The following PADI4 variants were observed in gnomAD, a reference collection of about 807,000 sequenced individuals.
The protein encoded by PADI4 is peptidyl arginine deiminase 4.
In PADI4, 62 loss-of-function variants were observed where a neutral mutation model predicts 75.0. The observed-to-expected ratio is 0.83, with a 90% CI of 0.67 to 1.02. PADI4 has a LOEUF of 1.02. Ranked by LOEUF, PADI4 falls within the 50% of genes least tolerant of loss-of-function variation. The pLI is 0.00. For missense variants in PADI4, 845 were observed against 850.5 expected, an observed-to-expected ratio of 0.99 and a Z score of 0.08; for synonymous variants, 361 against 348.1, an observed-to-expected ratio of 1.04 and a Z score of -0.41.
rs1379970947 is a variant in PADI4, at chr1:17,345,971, TC to T, written c.936-55del. Reference sequence around the variant, plus strand: ...CCACCTGTGTGTCCCTCCCAATCCTTCCAGGCTGAGCTTCAAATTCCAGAGC... The same window carrying T: ...CCACCTGTGTGTCCCTCCCAATCCTTCAGGCTGAGCTTCAAATTCCAGAGC... On this transcript the variant is annotated intron_variant, in intron 8 of 15. Coordinates refer to ENST00000375448, the MANE Select transcript of PADI4 (RefSeq NM_012387.3). 6 of 1,196,440 alleles carry T rather than the reference TC, an allele frequency of 5.0e-6. No individual in the cohort carries two copies. In the East Asian group the frequency reaches 1.2e-4, roughly 23 times the overall value. The allele number at this position is 1,196,440 out of a possible 1,614,324, so 74.1% of individuals were successfully genotyped here.
chr1:17,314,804 A>T (rs11803423), intron 1 of PADI4, among the ~76,000 whole-genome samples: 1 of 152,186 alleles, frequency 6.6e-6, no homozygotes. Flanking sequence ...TCTGCAGGAG[A>T]GTATCTGATC....
rs369416691 is a variant in PADI4, at chr1:17,358,765, C to CT, written c.1559-73_1559-72insT. The CT allele has an allele frequency of 7.8e-4, 730 of 941,442 alleles. 5 individuals are homozygous for CT. In the African/African-American group the frequency reaches 0.01, roughly 13 times the overall value. The allele number at this position is 941,442 out of a possible 1,614,324, so 58.3% of individuals were successfully genotyped here. A position where few individuals can be genotyped will look rare whatever the true frequency, so the allele number is the denominator to read the frequency against. On this transcript the variant is annotated intron_variant, in intron 13 of 15. Coordinates refer to ENST00000375448, the MANE Select transcript of PADI4 (RefSeq NM_012387.3). ...TATAGATGGGAACACTGAGTCCCCC[C>CT]CCGGCACTGGCTGGGAAGAGGGAAA...
At chr1:17,343,485 C>T (rs2074460298) in intron 8 of PADI4, among the ~76,000 whole-genome samples, 1 of 152,160 alleles carries the variant, frequency 6.6e-6, no homozygotes, top group African/African-American at 2.4e-5. Flanking sequence ...ATTCCGGTCC[C>T]AGCACTGTTC....
chr1:17,342,453 T>A (rs2074440590), intron 8 of PADI4, 51 bp downstream of exon 8: 1 of 1,085,956 alleles, frequency 9.2e-7, no homozygotes, highest in Non-Finnish European at 1.4e-6. Context: ...AGAGCCTGAG[T>A]TCCATCCGCA....
At chr1:17,359,217 T>TGCCCCCCCCCCCCCCC in intron 14 of PADI4, 63 bp from the exon 15 acceptor site, 1 of 647,816 alleles carries the variant, frequency 1.5e-6, no homozygotes, top group Non-Finnish European at 2.6e-6. Context: ...CCCCACACTG[T>TGCCCCCCCCCCCCCCC]CCCCCACCCC....
At chr1:17,341,799 G>C (rs2074423159) in intron 6 of PADI4, 144 bp from the exon 7 acceptor site, 5 of 625,374 alleles carry the variant, frequency 8.0e-6, no homozygotes, top group Non-Finnish European at 1.4e-5. Context: ...TCTCCTAAGG[G>C]GACTGGCCAG....
At chr1:17,312,383 C>G (rs1003005694) in intron 1 of PADI4, among the ~76,000 whole-genome samples, 2 of 148,192 alleles carry the variant, frequency 1.3e-5, no homozygotes, top group African/African-American at 5.0e-5. Context: ...TCACTTGAAC[C>G]CAGGAGGCGG....
Position 17,356,341 on chromosome 1 carries a change from G to A in PADI4, c.1456-16G>A, listed in dbSNP as rs372946420. On this transcript the variant is annotated splice_polypyrimidine_tract_variant and intron_variant, in intron 12 of 15. Transcript: ENST00000375448. The surrounding 1 kb of genome is among the most constrained non-coding windows in gnomAD (Gnocchi z 4.1). Reference sequence around the variant, plus strand: ...GGGGCAAAGCTGACTTCTAACCCCAGTGTTTCTGCCTCCAGGGCTTCCGGC... The same window carrying A: ...GGGGCAAAGCTGACTTCTAACCCCAATGTTTCTGCCTCCAGGGCTTCCGGC... 3.2e-6 allele frequency: 5 copies of A among 1,569,216 alleles called. No individual in the cohort carries two copies. The highest frequency in any genetic ancestry group is 4.4e-6 in the Non-Finnish European group (5 of 1,149,032).
chr1:17,360,665 C>T (rs904858771), intron 15 of PADI4, among the ~76,000 whole-genome samples: 26 of 152,208 alleles, frequency 1.7e-4, no homozygotes, highest in African/African-American at 6.3e-4. Context: ...TGCCTTCCCA[C>T]GTAGCACCTT....
At chr1:17,316,500 T>C (rs1172404465) in intron 1 of PADI4, among the ~76,000 whole-genome samples, 1 of 150,986 alleles carries the variant, frequency 6.6e-6, no homozygotes, top group Non-Finnish European at 1.5e-5. Flanking sequence ...CCATCCTGGC[T>C]AACACAGTGA....
In PADI4 at chr1:17,347,950, G is replaced by C. The variant is rs375846915; in HGVS notation, c.1057G>C (p.Glu353Gln). ...CCACTCACTCCCACAGGATGAAATG[G>C]AGATCGGCTACATCCAAGCCCCACA... ...MDDQWMQDEMEIGYIQAPHKT... is the reference protein window; with the variant it reads ...MDDQWMQDEMQIGYIQAPHKT... Residue 353 changes from glutamate (E) to glutamine (Q), a missense_variant, in exon 10 of 16, where the codon GAG becomes CAG. Coordinates refer to ENST00000375448, the MANE Select transcript of PADI4 (RefSeq NM_012387.3). 1.9e-6 allele frequency: 3 copies of C among 1,578,748 alleles called. No individual in the cohort carries two copies. Among genetic ancestry groups the C allele is most frequent in the Admixed American group, 3.5e-5 (2 of 57,172 alleles).
chr1:17,351,941 G>C (rs539233956), intron 10 of PADI4, among the ~76,000 whole-genome samples: 72 of 144,626 alleles, frequency 5.0e-4, no homozygotes, highest in African/African-American at 1.1e-3. Context: ...GGTCAGGGAG[G>C]TGATGGGAGG....
intron 1 of PADI4, among the ~76,000 whole-genome samples, chr1:17,327,003 C>T (rs2074127727): frequency 5.9e-5 from 9 of 151,712 alleles, no homozygotes; most frequent in Admixed American, 5.9e-4. Context: ...CTCTGCCTCC[C>T]AGGCTCAAGT....
intron 15 of PADI4, among the ~76,000 whole-genome samples, chr1:17,362,237 G>A (rs1395081912): frequency 6.6e-6 from 1 of 151,448 alleles, no homozygotes; most frequent in South Asian, 2.1e-4. Flanking sequence ...AATTAGCCAG[G>A]CGTGGTGGCA....
intron 5 of PADI4, among the ~76,000 whole-genome samples, chr1:17,338,797 T>C (rs1238685748): frequency 6.6e-6 from 1 of 152,140 alleles, no homozygotes; most frequent in Non-Finnish European, 1.5e-5. Context: ...TGAGGAAACA[T>C]TATCCACCTG....
At chr1:17,315,313 T>C (rs2073913073) in intron 1 of PADI4, among the ~76,000 whole-genome samples, 1 of 152,158 alleles carries the variant, frequency 6.6e-6, no homozygotes, top group South Asian at 2.1e-4. Context: ...AGGGAAACTA[T>C]GCCTGTCACA....
At chr1:17,359,233 C>CCCCCAGCCCACA in intron 14 of PADI4, 47 bp from the exon 15 acceptor site, 1 of 829,534 alleles carries the variant, frequency 1.2e-6, no homozygotes, top group Non-Finnish European at 1.9e-6. Flanking sequence ...ACCCCCACCC[C>CCCCCAGCCCACA]CGACTGCCAT....
At chr1:17,351,023 CAAA>C (rs35025070) in intron 10 of PADI4, among the ~76,000 whole-genome samples, 3 of 84,050 alleles carry the variant, frequency 3.6e-5, no homozygotes, top group Non-Finnish European at 5.3e-5. Flanking sequence ...CTTGTCCCTA[CAAA>C]AAAAAAAAAA....
At position 17,330,311 on chromosome 1, in the gene PADI4, C is replaced by A. The variant is rs1213822214; in HGVS notation, c.93-658C>A. 3.3e-5 allele frequency among the ~76,000 whole-genome samples: 5 copies of A among 152,266 alleles called. No homozygotes were observed. In the East Asian group the frequency reaches 9.7e-4, roughly 29 times the overall value. ...CACTGGCTGCTGTTTGGTTTTTACA[C>A]CTGTTGGGAAAAGGAGTATATTAGT... On this transcript the variant is annotated intron_variant, in intron 1 of 15. Coordinates refer to ENST00000375448, the MANE Select transcript of PADI4 (RefSeq NM_012387.3).
Sources: allele counts gnomAD v4.1 joint callset (sites outside exome capture counted in the v4.1 genomes callset), GRCh38; gene constraint gnomAD v4.1.1; non-coding constraint Gnocchi (gnomAD v3.1); transcripts MANE v1.5; gene names NCBI Gene and HGNC (gene_info 2026-07-23, HGNC 2026-07-21).